DSCAM: variants seen among roughly 807,000 people sequenced by gnomAD.
DSCAM encodes DS cell adhesion molecule.
In DSCAM, 47 loss-of-function variants were observed where a neutral mutation model predicts 217.7. The observed-to-expected ratio is 0.22, with a 90% confidence interval of 0.17 to 0.28. The LOEUF (loss-of-function observed/expected upper bound fraction) is 0.28, where lower values mean the gene tolerates loss of function less well. Ranked by LOEUF, DSCAM falls within the 10% of genes least tolerant of loss-of-function variation. The pLI, the probability that DSCAM is intolerant of heterozygous loss-of-function variation, is 1.00. For missense variants in DSCAM, 2,080 were observed against 2,618.3 expected (o/e 0.79, Z 4.49); for synonymous variants, 1,056 against 1,015.3 (o/e 1.04, Z -0.76).
chr21:40,822,310 T>C (rs1340253618), intron 1 of DSCAM, among the ~76,000 whole-genome samples: 1 of 95,492 alleles, frequency 1.0e-5, no homozygotes, highest in Non-Finnish European at 1.8e-5. Context: ...CAGAGTGAGA[T>C]CTTTTCTCAA....
chr21:40,576,257 A>G (rs1740197068), intron 3 of DSCAM, among the ~76,000 whole-genome samples: 1 of 152,254 alleles, frequency 6.6e-6, no homozygotes, highest in Admixed American at 6.5e-5. Flanking sequence ...TGAAATCAGC[A>G]ACAACATGTG....
rs527526662 is a variant in DSCAM at position 40,693,018 on chromosome 21, C to G, written c.362-62G>C. On this transcript the variant is annotated intron_variant, in intron 2 of 32. Transcript: ENST00000400454. ...GTCAACAGGCTCATTCTGAGAGTAT[C>G]TCACTGTAATATATACACTGCAGCA... The G allele has an allele frequency of 1.9e-6, 3 of 1,565,408 alleles. No individual in the cohort carries two copies. In the African/African-American group the frequency reaches 4.0e-5, roughly 21 times the overall value.
intron 8 of DSCAM, among the ~76,000 whole-genome samples, chr21:40,325,182 C>T (rs2074304238): frequency 6.6e-6 from 1 of 152,056 alleles, no homozygotes; most frequent in Non-Finnish European, 1.5e-5. Context: ...AAATATGTTA[C>T]AGTGAGACAA....
intron 20 of DSCAM, among the ~76,000 whole-genome samples, chr21:40,122,257 G>A (rs1045689100): frequency 2.1e-4 from 32 of 152,106 alleles, no homozygotes; most frequent in African/African-American, 7.7e-4. Flanking sequence ...AGTCACTAAG[G>A]ACTCATTTCA....
chr21:40,021,890 G>C (rs2088279289), intron 32 of DSCAM, among the ~76,000 whole-genome samples: 1 of 152,166 alleles, frequency 6.6e-6, no homozygotes, highest in South Asian at 2.1e-4. Context: ...TAGAACCATG[G>C]TTGGCCTGAC....
intron 10 of DSCAM, among the ~76,000 whole-genome samples, chr21:40,276,720 G>A (rs1050681184): frequency 3.9e-5 from 6 of 152,128 alleles, no homozygotes; most frequent in African/African-American, 1.4e-4. Flanking sequence ...CATGTCTGAG[G>A]CTACAAAGAG....
At position 40,772,278 on chromosome 21, in the gene DSCAM, C is replaced by T. The variant is rs868555027; in HGVS notation, c.44-63507G>A. On this transcript the variant is annotated intron_variant, in intron 1 of 32. Coordinates refer to ENST00000400454, the MANE Select transcript of DSCAM (RefSeq NM_001389.5). ...CCACCTCCTGGGTGCAAGCGATTTT[C>T]CTGCCTCAGCTTCCTGAGTAGCTGG... Among the ~76,000 whole-genome samples the T allele has an allele frequency of 2.0e-5, 3 of 152,276 alleles. 1 individual carries two copies. Among genetic ancestry groups the T allele is most frequent in the Middle Eastern group, 6.8e-3 (2 of 294 alleles).
At position 40,327,315 on chromosome 21, in the gene DSCAM, A is replaced by G. The variant is rs1474981628; in HGVS notation, c.1783+10786T>C. Among the ~76,000 whole-genome samples the G allele has an allele frequency of 5.3e-5, 8 of 152,280 alleles. No individual in the cohort carries two copies. The East Asian group carries it at 1.5e-3, about 29-fold the overall frequency. Reference sequence around the variant, plus strand: ...CTTCTCTAAGTTTCCCATGTTCAGCAAGTGCAACAAGTATTATAAAACATA... The same window carrying G: ...CTTCTCTAAGTTTCCCATGTTCAGCGAGTGCAACAAGTATTATAAAACATA... On this transcript the variant is annotated intron_variant, in intron 8 of 32. Coordinates refer to ENST00000400454, the MANE Select transcript of DSCAM (RefSeq NM_001389.5).
intron 3 of DSCAM, among the ~76,000 whole-genome samples, chr21:40,400,942 A>T (rs372479073): frequency 1.3e-5 from 2 of 152,238 alleles, no homozygotes; most frequent in African/African-American, 2.4e-5. Flanking sequence ...ATAATCACTG[A>T]TCTCATCACA....
chr21:40,455,212 T>C (rs2075753495), intron 3 of DSCAM, among the ~76,000 whole-genome samples: 1 of 152,098 alleles, frequency 6.6e-6, no homozygotes, highest in Admixed American at 6.5e-5. Context: ...TGGAACATAA[T>C]GCTCCACCAG....
intron 3 of DSCAM, among the ~76,000 whole-genome samples, chr21:40,597,792 G>A (rs577884912): frequency 3.3e-5 from 5 of 152,192 alleles, no homozygotes; most frequent in East Asian, 3.9e-4. Flanking sequence ...GATTACAGGC[G>A]TGAGCCACAG....
At chr21:40,074,729 G>C (rs901335523) in intron 27 of DSCAM, among the ~76,000 whole-genome samples, 6 of 152,178 alleles carry the variant, frequency 3.9e-5, no homozygotes, top group African/African-American at 1.4e-4. Context: ...TGGTGGCTTT[G>C]CTGGACCCAC....
chr21:40,385,679 G>A (rs2075077215), intron 3 of DSCAM, among the ~76,000 whole-genome samples: 1 of 152,164 alleles, frequency 6.6e-6, no homozygotes, highest in Non-Finnish European at 1.5e-5. Flanking sequence ...TGAGGGGTTT[G>A]GCTCTCACAT....
chr21:40,543,385 T>C (rs1017788011), intron 3 of DSCAM, among the ~76,000 whole-genome samples: 1 of 152,170 alleles, frequency 6.6e-6, no homozygotes, highest in Admixed American at 6.5e-5. Context: ...TTTAGCTAAG[T>C]GATGAAGAGG....
At chr21:40,797,522 C>T (rs1286999169) in intron 1 of DSCAM, among the ~76,000 whole-genome samples, 4 of 152,206 alleles carry the variant, frequency 2.6e-5, no homozygotes, top group African/African-American at 9.6e-5. Context: ...TGAATAAATT[C>T]ATGACATGAG....
At chr21:40,291,769 C>T (rs1457805283) in intron 10 of DSCAM, among the ~76,000 whole-genome samples, 1 of 152,182 alleles carries the variant, frequency 6.6e-6, no homozygotes, top group Non-Finnish European at 1.5e-5. Flanking sequence ...CCAGCGTCAC[C>T]CCCCAGGCAT....
chr21:40,047,328 C>T (rs759156229), intron 30 of DSCAM, among the ~76,000 whole-genome samples: 27 of 152,148 alleles, frequency 1.8e-4, no homozygotes, highest in Admixed American at 4.6e-4. Flanking sequence ...CTTACTAGCT[C>T]ATCTACTGAG....
intron 27 of DSCAM, among the ~76,000 whole-genome samples, chr21:40,069,276 G>A (rs571648387): frequency 3.9e-5 from 6 of 152,244 alleles, no homozygotes; most frequent in African/African-American, 1.4e-4. Flanking sequence ...TGGTTAGATC[G>A]AGTTTTGGGA....
At chr21:40,785,692 T>C (rs905873366) in intron 1 of DSCAM, among the ~76,000 whole-genome samples, 2 of 152,196 alleles carry the variant, frequency 1.3e-5, no homozygotes, top group African/African-American at 2.4e-5. Flanking sequence ...CATTCATTTA[T>C]TCATTCATTC....
Sources: allele counts gnomAD v4.1 joint callset (sites outside exome capture counted in the v4.1 genomes callset), GRCh38; gene constraint gnomAD v4.1.1; transcripts MANE v1.5; gene names NCBI Gene and HGNC (gene_info 2026-07-23, HGNC 2026-07-21).